Variants in XRCC6 observed in about 807,000 individuals in gnomAD.
XRCC6 encodes the protein X-ray repair cross complementing 6, also known as DNA repair protein Ku70.
A neutral mutation model predicts 65.7 loss-of-function variants in XRCC6; 5 were observed. That is an observed-to-expected ratio of 0.08 (90% CI 0.04 to 0.16). The LOEUF (loss-of-function observed/expected upper bound fraction) is 0.16, where lower values mean the gene tolerates loss of function less well. Among genes scored for constraint, XRCC6 ranks in the 10% least tolerant of loss-of-function variants. XRCC6 has a pLI of 1.00. For synonymous variants in XRCC6, 270 were observed against 270.6 expected (o/e 1.00, Z 0.02); for missense variants, 447 against 738.1 (o/e 0.61, Z 4.57).
chr22:41,656,776 C>T (rs2068048550), intron 9 of XRCC6, 127 bp from the exon 10 acceptor site: 1 of 1,241,598 alleles, frequency 8.1e-7, no homozygotes, highest in Non-Finnish European at 1.1e-6. Flanking sequence ...TGGTGGAGTT[C>T]AAGAAATGGG....
In XRCC6 at chr22:41,628,180, T is replaced by C; in HGVS notation, c.145T>C (p.Phe49Leu). ...TTTGGTTGATGCCTCCAAGGCTATG[T>C]TTGAATCTCAGAGTGAAGATGAGTT... The part of the protein sequence containing the change: ...IFLVDASKAM[F>L]ESQSEDELTP... The change falls in exon 3 of 13, where the codon TTT becomes CTT. Residue 49 changes from phenylalanine to leucine, a missense_variant. By Grantham distance (22) the Phe-to-Leu change is conservative. Coordinates refer to ENST00000360079, the MANE Select transcript of XRCC6 (RefSeq NM_001469.5). The C allele has an allele frequency of 6.2e-7, 1 of 1,613,986 alleles. No homozygotes were observed. The highest frequency in any genetic ancestry group is 2.2e-5 in the East Asian group (1 of 44,872).
Position 41,639,329 on chromosome 22 carries a change from C to CTTTTTTTTTTTTTT in XRCC6, c.773+1550_773+1563dup. 6.0e-3 allele frequency among the ~76,000 whole-genome samples: 385 copies of CTTTTTTTTTTTTTT among 64,586 alleles called. 97 individuals carry two copies. The highest frequency in any genetic ancestry group is 0.042 in the Middle Eastern group (2 of 48). The allele number at this position is 64,586 out of a possible 152,430, so 42.4% of individuals were successfully genotyped here. ...GGAACCAGATTGCTAGATTCTTTTT[C>CTTTTTTTTTTTTTT]TTTTTTTTTTTTTTTTTTTTTTTTT... On this transcript the variant is annotated intron_variant, in intron 6 of 12. Transcript: ENST00000360079.
intron 6 of XRCC6, among the ~76,000 whole-genome samples, chr22:41,645,306 AAAAAAAC>A (rs1213857730): frequency 2.0e-5 from 3 of 151,538 alleles, no homozygotes; most frequent in Non-Finnish European, 4.4e-5. Context: ...TCTTTAAAAA[AAAAAAAC>A]AAAAAACAAA....
At chr22:41,661,505 T>A (rs1018590424) in intron 12 of XRCC6, 61 bp downstream of exon 12, 2 of 1,380,520 alleles carry the variant, frequency 1.4e-6, no homozygotes, top group Non-Finnish European at 2.0e-6. Context: ...GATAGTCTTA[T>A]CACAGTGGGC....
intron 11 of XRCC6, among the ~76,000 whole-genome samples, chr22:41,660,965 C>A (rs191025967): frequency 3.3e-4 from 50 of 151,292 alleles, no homozygotes; most frequent in South Asian, 1.3e-3. Flanking sequence ...ACCAGGGAGT[C>A]GGAGGTTGCA....
At chr22:41,646,843 G>A in intron 6 of XRCC6, 53 bp from the exon 7 acceptor site, 1 of 1,466,732 alleles carries the variant, frequency 6.8e-7, no homozygotes, top group Non-Finnish European at 9.2e-7. Context: ...GGGAATTTTA[G>A]ATAGAAAAGT....
intron 11 of XRCC6, among the ~76,000 whole-genome samples, chr22:41,659,686 A>ACCTCAG (rs2068082153): frequency 1.3e-5 from 2 of 151,950 alleles, no homozygotes; most frequent in African/African-American, 4.8e-5. Flanking sequence ...ACCTCAGTAC[A>ACCTCAG]TTCATTCATT....
At chr22:41,663,049 C>A (rs915816918) in intron 12 of XRCC6, among the ~76,000 whole-genome samples, 1 of 152,176 alleles carries the variant, frequency 6.6e-6, no homozygotes, top group African/African-American at 2.4e-5. Context: ...CCATTGCACT[C>A]CAGCCTCGGT....
chr22:41,643,575 C>T (rs1183031393), intron 6 of XRCC6, among the ~76,000 whole-genome samples: 3 of 152,150 alleles, frequency 2.0e-5, no homozygotes, highest in Non-Finnish European at 4.4e-5. Context: ...AATCCCAGCA[C>T]TTTGGGAGGC....
chr22:41,653,573 A>G lies in XRCC6; in HGVS notation c.1174A>G (p.Lys392Glu). 1 of 1,613,742 alleles carries G rather than the reference A, an allele frequency of 6.2e-7. No homozygotes were observed. Among genetic ancestry groups the G allele is most frequent in the Non-Finnish European group, 8.5e-7 (1 of 1,179,808 alleles). ...TGCTCTGCTCATCAAGTGTCTGGAG[A>G]AGGAGGTTGCAGCATTGTGCAGATA... Reference protein sequence around the residue: ...FSALLIKCLEKEVAALCRYTP... With the variant: ...FSALLIKCLEEEVAALCRYTP... The change falls in exon 9 of 13, where the codon AAG becomes GAG. Residue 392 changes from lysine (K) to glutamate (E), a missense_variant. This residue lies in a region of XRCC6 where 201 missense variants were observed against 374.1 expected (regional missense o/e 0.54). Transcript: ENST00000360079.
intron 11 of XRCC6, among the ~76,000 whole-genome samples, 168 bp from the exon 12 acceptor site, chr22:41,661,163 T>C (rs2068095567): frequency 6.6e-6 from 1 of 152,174 alleles, no homozygotes; most frequent in Admixed American, 6.5e-5. Context: ...TTACAGTAAA[T>C]GCAGGTGTTG....
chr22:41,630,679 A>C (rs2067732135), intron 3 of XRCC6, among the ~76,000 whole-genome samples: 1 of 151,782 alleles, frequency 6.6e-6, no homozygotes, highest in Non-Finnish European at 1.5e-5. Flanking sequence ...TGGGTACTTG[A>C]GATTAGGGAG....
At chr22:41,650,924 A>C in intron 8 of XRCC6, 33 bp downstream of exon 8, 1 of 1,612,304 alleles carries the variant, frequency 6.2e-7, no homozygotes, top group Non-Finnish European at 8.5e-7. Context: ...GAGTGACTCT[A>C]ACACACAGTG....
At position 41,622,013 on chromosome 22, in the gene XRCC6, G is replaced by T; in HGVS notation, c.9G>T (p.Gly3=). Residue 3 remains glycine (G), a synonymous_variant, in exon 2 of 13, where the codon GGG becomes GGT. Transcript: ENST00000360079. ...AGTGAGCAGTAGCCAACATGTCAGGGTGGGAGTCATATTACAAAACCGAGG... is the reference window on the plus strand; with the variant it reads ...AGTGAGCAGTAGCCAACATGTCAGGTTGGGAGTCATATTACAAAACCGAGG... MS[G]WESYYKTEGD... is the part of the protein sequence containing the mutation. 6.2e-7 allele frequency: 1 copy of T among 1,614,266 alleles called. No homozygotes were observed. Among genetic ancestry groups the T allele is most frequent in the Non-Finnish European group, 8.5e-7 (1 of 1,180,044 alleles).
intron 3 of XRCC6, among the ~76,000 whole-genome samples, chr22:41,631,628 C>G (rs1741987769): frequency 7.7e-6 from 1 of 130,610 alleles, no homozygotes; most frequent in Admixed American, 7.4e-5. Flanking sequence ...GGCAGAGACG[C>G]TCCTCACTTT....
At position 41,636,600 on chromosome 22, in the gene XRCC6, A is replaced by G; in HGVS notation, c.419A>G (p.Asp140Gly). 6.2e-7 allele frequency: 1 copy of G among 1,614,078 alleles called. No individual in the cohort carries two copies. The change falls in exon 5 of 13, where the codon GAC (aspartate) becomes GGC (glycine). Residue 140 changes from aspartate to glycine, a missense_variant. Transcript: ENST00000360079. ...CAAGACATGATGGGCCACGGATCTG[A>G]CTACTCACTCAGTGAAGTGCTGTGG... is the stretch of plus-strand genomic sequence containing the variant. ...RFQDMMGHGSDYSLSEVLWVC... is the reference protein window; with the variant it reads ...RFQDMMGHGSGYSLSEVLWVC...
chr22:41,628,045 C>A, intron 2 of XRCC6, 73 bp from the exon 3 acceptor site: 4 of 992,230 alleles, frequency 4.0e-6, no homozygotes, highest in East Asian at 2.5e-5. Flanking sequence ...TCCTTTATGG[C>A]CTTTATTTAT....
intron 6 of XRCC6, among the ~76,000 whole-genome samples, chr22:41,645,978 A>T (rs554570602): frequency 1.1e-3 from 173 of 151,954 alleles, no homozygotes; most frequent in Middle Eastern, 6.8e-3. Context: ...ATGGGTCTTT[A>T]TTCTTCAAAG....
intron 3 of XRCC6, among the ~76,000 whole-genome samples, chr22:41,629,506 C>T (rs28741117): frequency 1.3e-5 from 2 of 152,026 alleles, no homozygotes; most frequent in Admixed American, 6.6e-5. Flanking sequence ...AAGTTCTTAA[C>T]GCAGAGGGGT....
Sources: gnomAD v4.1 joint callset for allele counts (sites outside exome capture counted in the v4.1 genomes callset) on GRCh38, gnomAD v4.1.1 for gene constraint, gnomAD v4.1.1 regional missense constraint, MANE v1.5 for transcripts, NCBI Gene and HGNC (gene_info 2026-07-23, HGNC 2026-07-21) for gene names.